The following REEP3 variants were observed in gnomAD, a reference collection of about 807,000 sequenced individuals.
REEP3 encodes receptor expression-enhancing protein 3.
Under a neutral mutation model 41.3 loss-of-function variants are expected in REEP3, and 20 were observed. The ratio of observed to expected loss-of-function variants is 0.48; its 90% CI spans 0.34 to 0.70. REEP3 has a LOEUF of 0.70. Among genes scored for constraint, REEP3 ranks in the 30% least tolerant of loss-of-function variants. The probability of loss-of-function intolerance (pLI) is 0.01; values close to 1 mark genes in which losing one functional copy is unlikely to be tolerated. For synonymous variants in REEP3, 104 were observed against 101.8 expected (o/e 1.02, Z -0.13); for missense variants, 271 against 308.8 (o/e 0.88, Z 0.92).
intron 1 of REEP3, among the ~76,000 whole-genome samples, chr10:63,541,541 T>C (rs936303426): frequency 6.6e-6 from 1 of 152,208 alleles, no homozygotes; most frequent in African/African-American, 2.4e-5. Flanking sequence ...ATAAGCAGTG[T>C]ATATTAGCTA....
intron 1 of REEP3, among the ~76,000 whole-genome samples, chr10:63,533,725 T>TTTTTTTTTTTTTTTTTTTTTTTTTTA (rs1589857082): frequency 7.0e-6 from 1 of 143,798 alleles, no homozygotes; most frequent in African/African-American, 2.5e-5. Context: ...TTTTTTTTTT[T>TTTTTTTTTTTTTTTTTTTTTTTTTTA]GAGACGGAGT....
At chr10:63,526,472 T>C (rs1230304787) in intron 1 of REEP3, among the ~76,000 whole-genome samples, 2 of 152,170 alleles carry the variant, frequency 1.3e-5, no homozygotes, top group Non-Finnish European at 2.9e-5. Context: ...ATTTTTATGA[T>C]CATTGATATG....
intron 3 of REEP3, among the ~76,000 whole-genome samples, chr10:63,597,617 A>G (rs1956126913): frequency 6.6e-6 from 1 of 152,206 alleles, no homozygotes; most frequent in East Asian, 1.9e-4. Flanking sequence ...TTTACATTCA[A>G]AAACTTAGCA....
chr10:63,598,233 A>G, intron 4 of REEP3, 89 bp downstream of exon 4: 1 of 887,958 alleles, frequency 1.1e-6, no homozygotes, highest in Non-Finnish European at 1.6e-6. Context: ...TAATCCCAGC[A>G]CTTTGGGAGG....
chr10:63,558,385 T>C (rs889607604), intron 1 of REEP3, among the ~76,000 whole-genome samples: 1 of 152,218 alleles, frequency 6.6e-6, no homozygotes, highest in Non-Finnish European at 1.5e-5. Context: ...GTAGCACAGT[T>C]ACCTCTGCAT....
Position 63,622,191 on chromosome 10 carries a change from A to G in REEP3, c.*1322A>G, listed in dbSNP as rs1428288964. The G allele has an allele frequency of 6.6e-6, 1 of 152,166 alleles. No homozygotes were observed. The highest frequency in any genetic ancestry group is 1.5e-5 in the Non-Finnish European group (1 of 68,010). The allele number at this position is 152,166 out of a possible 1,614,324, so 9.4% of individuals were successfully genotyped here. A position where few individuals can be genotyped will look rare whatever the true frequency, so the allele number is the denominator to read the frequency against. On this transcript the variant is annotated 3_prime_UTR_variant, in exon 8 of 8. Coordinates refer to ENST00000373758, the MANE Select transcript of REEP3 (RefSeq NM_001001330.3). ...CTTGACTGTTCTATTTGTTTGTCCA[A>G]AAGATAAAATGATGAGAGAGATTCG...
chr10:63,609,733 C>T (rs1956262471), intron 5 of REEP3, among the ~76,000 whole-genome samples: 1 of 152,064 alleles, frequency 6.6e-6, no homozygotes, highest in Non-Finnish European at 1.5e-5. Flanking sequence ...GCATTCCAGC[C>T]TGGGCAACGG....
chr10:63,615,976 C>A (rs539402349), intron 6 of REEP3, among the ~76,000 whole-genome samples: 1 of 152,284 alleles, frequency 6.6e-6, no homozygotes, highest in South Asian at 2.1e-4. Context: ...CTTCCCTCAG[C>A]CTTATCCATT....
At chr10:63,580,153 T>TG (rs529182421) in intron 2 of REEP3, among the ~76,000 whole-genome samples, 2 of 152,116 alleles carry the variant, frequency 1.3e-5, no homozygotes, top group African/African-American at 2.4e-5. Flanking sequence ...TGTTTTGAGG[T>TG]GGGGGGGTGG....
chr10:63,522,149 C>T (rs912760651), intron 1 of REEP3, among the ~76,000 whole-genome samples: 4 of 152,146 alleles, frequency 2.6e-5, no homozygotes, highest in Middle Eastern at 3.4e-3. Context: ...GTCTAAAAAC[C>T]GGAGACCGCT....
intron 5 of REEP3, 143 bp downstream of exon 5, chr10:63,599,426 G>A (rs943046866): frequency 2.0e-5 from 9 of 441,530 alleles, no homozygotes; most frequent in African/African-American, 1.9e-4. Flanking sequence ...TAATTTTAAA[G>A]ATATTTTAAT....
intron 1 of REEP3, among the ~76,000 whole-genome samples, chr10:63,533,708 A>ATTTTTTTTTTTTTTTTTTTT (rs1464023228): frequency 8.7e-4 from 82 of 94,018 alleles, no homozygotes; most frequent in Middle Eastern, 5.4e-3. Context: ...AAGTATGTAA[A>ATTTTTTTTTTTTTTTTTTTT]TCTTTTTTTT....
At chr10:63,608,156 CG>C (rs1424659107) in intron 5 of REEP3, among the ~76,000 whole-genome samples, 2 of 152,140 alleles carry the variant, frequency 1.3e-5, no homozygotes, top group Admixed American at 6.5e-5. Flanking sequence ...GTCACTTCCT[CG>C]TAGTATGTCT....
rs1956339251 is a variant in REEP3, at chr10:63,619,805, G to A, written c.711+5G>A. 6.2e-7 allele frequency: 1 copy of A among 1,603,402 alleles called. No homozygotes were observed. The highest frequency in any genetic ancestry group is 8.5e-7 in the Non-Finnish European group (1 of 1,174,694). ...ACCACCAAAGGCCGCAAAGAGGTTGGTTAAGTGTAGAGCTGTTTTCCTAAT... is the reference window on the plus strand; with the variant it reads ...ACCACCAAAGGCCGCAAAGAGGTTGATTAAGTGTAGAGCTGTTTTCCTAAT... On this transcript the variant is annotated splice_donor_5th_base_variant and intron_variant, in intron 7 of 7. Transcript: ENST00000373758.
chr10:63,584,104 G>A (rs192830052), intron 2 of REEP3, among the ~76,000 whole-genome samples: 2 of 152,270 alleles, frequency 1.3e-5, no homozygotes, highest in Admixed American at 6.5e-5. Flanking sequence ...GCAATGTTGC[G>A]ACAGAGGTAT....
intron 2 of REEP3, among the ~76,000 whole-genome samples, chr10:63,566,983 A>T (rs1241065186): frequency 6.6e-6 from 1 of 151,892 alleles, no homozygotes; most frequent in African/African-American, 2.4e-5. Flanking sequence ...ACTAACATTT[A>T]TTTTTTAGGA....
intron 2 of REEP3, among the ~76,000 whole-genome samples, chr10:63,589,785 CTTTTT>C (rs59658061): frequency 0.07 from 5,622 of 80,560 alleles, 163 homozygotes; most frequent in African/African-American, 0.16. Context: ...AGCAGAACAT[CTTTTT>C]TTTTTTTTTT....
intron 2 of REEP3, among the ~76,000 whole-genome samples, chr10:63,570,779 A>T (rs1481375618): frequency 6.6e-6 from 1 of 152,214 alleles, no homozygotes; most frequent in African/African-American, 2.4e-5. Context: ...GAAATGTGTC[A>T]TCTCTGAAGA....
chr10:63,618,309 G>A (rs1453018598), intron 6 of REEP3, among the ~76,000 whole-genome samples: 19 of 131,778 alleles, frequency 1.4e-4, no homozygotes, highest in African/African-American at 4.9e-4. Context: ...GCAGTGGCGC[G>A]ATCTCAGCTC....
Sources: allele counts gnomAD v4.1 joint callset (sites outside exome capture counted in the v4.1 genomes callset), GRCh38; gene constraint gnomAD v4.1.1; transcripts MANE v1.5; gene names NCBI Gene and HGNC (gene_info 2026-07-23, HGNC 2026-07-21).